Variants in CBLN2 observed in about 807,000 individuals in gnomAD.
CBLN2 encodes cerebellin 2 precursor.
Under a neutral mutation model 15.0 loss-of-function variants are expected in CBLN2, and 7 were observed. The observed-to-expected ratio is 0.47, with a 90% CI of 0.27 to 0.88. The LOEUF (loss-of-function observed/expected upper bound fraction) is 0.88. CBLN2 is among the 40% of genes least tolerant of loss of function. The probability of loss-of-function intolerance (pLI) is 0.14; values close to 1 mark genes in which losing one functional copy is unlikely to be tolerated. For synonymous variants in CBLN2, 149 were observed against 135.2 expected (o/e 1.10, Z -0.71); for missense variants, 242 against 304.5 (o/e 0.79, Z 1.53).
intron 1 of CBLN2, among the ~76,000 whole-genome samples, chr18:72,564,745 T>C (rs991760417): frequency 1.3e-5 from 2 of 152,118 alleles, no homozygotes; most frequent in Admixed American, 6.6e-5. Context: ...AATAAAATGA[T>C]AGCTAAAAAC....
intron 1 of CBLN2, among the ~76,000 whole-genome samples, chr18:72,588,840 C>A (rs1024726981): frequency 3.3e-5 from 5 of 152,158 alleles, no homozygotes; most frequent in African/African-American, 1.2e-4. Flanking sequence ...TGGAACAGCA[C>A]CATGTAGGGA....
chr18:72,637,043 A>G (rs1243545220), intron 1 of CBLN2, among the ~76,000 whole-genome samples: 1 of 113,284 alleles, frequency 8.8e-6, no homozygotes, highest in Non-Finnish European at 1.8e-5. Context: ...CAAAACTGCA[A>G]AAAAAAAAAA....
intron 1 of CBLN2, among the ~76,000 whole-genome samples, chr18:72,563,814 T>A (rs2069276881): frequency 1.3e-5 from 2 of 152,116 alleles, no homozygotes; most frequent in Admixed American, 1.3e-4. Flanking sequence ...AGGCTTGCAC[T>A]CTCTCAACAT....
intron 3 of CBLN2, among the ~76,000 whole-genome samples, chr18:72,541,099 A>C (rs1357448200): frequency 6.6e-6 from 1 of 152,280 alleles, no homozygotes; most frequent in East Asian, 1.9e-4. Context: ...ACCAAATGGC[A>C]TAAGTTAAGT....
At chr18:72,610,933 A>G (rs1301790325) in intron 1 of CBLN2, among the ~76,000 whole-genome samples, 1 of 152,048 alleles carries the variant, frequency 6.6e-6, no homozygotes. Context: ...TGTTATTATT[A>G]TCTTTATGTC....
intron 1 of CBLN2, among the ~76,000 whole-genome samples, chr18:72,558,527 G>T (rs1212261312): frequency 6.6e-6 from 1 of 152,088 alleles, no homozygotes; most frequent in Non-Finnish European, 1.5e-5. Context: ...ATCTCAAAAT[G>T]TGCAGTTGTT....
rs185302443 is a variant in CBLN2, at chr18:72,625,801, T to C, written c.15+12524A>G. On this transcript the variant is annotated intron_variant, in intron 1 of 2. Transcript: ENST00000581073. ...ATATATATATGACTCTCTCTCTCTC[T>C]CTCTCTCTCTCTCTCTCTATATATA... Among the ~76,000 whole-genome samples the C allele has an allele frequency of 2.3e-3, 118 of 52,226 alleles. 2 individuals carry two copies. The East Asian group carries it at 0.095, about 42-fold the overall frequency. 34.3% of individuals were successfully genotyped at this position (52,226 alleles called of 152,430 possible).
At chr18:72,541,734 C>A (rs2069113267) in intron 3 of CBLN2, 70 bp downstream of exon 3, 3 of 1,328,630 alleles carry the variant, frequency 2.3e-6, no homozygotes. Context: ...AGCCTGAACC[C>A]CAGCCCGCGC....
chr18:72,547,663 T>C (rs2069167045), upstream of CBLN2, among the ~76,000 whole-genome samples: 1 of 152,100 alleles, frequency 6.6e-6, no homozygotes, highest in South Asian at 2.1e-4. Flanking sequence ...ATAAATAATA[T>C]ATTTTTATCT....
At chr18:72,615,308 T>C (rs2069653889) in intron 1 of CBLN2, among the ~76,000 whole-genome samples, 1 of 143,574 alleles carries the variant, frequency 7.0e-6, no homozygotes, top group Non-Finnish European at 1.5e-5. Context: ...AGAGTTTTGC[T>C]CTTTGTTGCC....
intron 1 of CBLN2, among the ~76,000 whole-genome samples, chr18:72,564,034 A>T (rs994964905): frequency 6.6e-6 from 1 of 152,178 alleles, no homozygotes; most frequent in Non-Finnish European, 1.5e-5. Context: ...ACACTGTAAA[A>T]CGTACCTGCA....
At chr18:72,637,898 G>A (rs1312155938) in intron 1 of CBLN2, among the ~76,000 whole-genome samples, 3 of 152,208 alleles carry the variant, frequency 2.0e-5, no homozygotes, top group Admixed American at 2.0e-4. Flanking sequence ...TCACTGGCAG[G>A]CGCTGAAGAA....
chr18:72,615,567 G>T (rs1010620874), intron 1 of CBLN2, among the ~76,000 whole-genome samples: 1 of 151,960 alleles, frequency 6.6e-6, no homozygotes. Context: ...GTGAGCCACC[G>T]TGCCTGGCCC....
chr18:72,631,941 CTAAA>C (rs2069779823), intron 1 of CBLN2, among the ~76,000 whole-genome samples: 1 of 152,086 alleles, frequency 6.6e-6, no homozygotes, highest in Non-Finnish European at 1.5e-5. Flanking sequence ...TTTTGATGTA[CTAAA>C]ATATGCCTTT....
At chr18:72,613,418 G>A (rs2069636598) in intron 1 of CBLN2, among the ~76,000 whole-genome samples, 1 of 152,070 alleles carries the variant, frequency 6.6e-6, no homozygotes, top group African/African-American at 2.4e-5. Context: ...CCCAATATCT[G>A]GCACATAGCT....
intron 1 of CBLN2, among the ~76,000 whole-genome samples, chr18:72,625,760 GTA>G (rs1226274858): frequency 8.3e-6 from 1 of 120,008 alleles, no homozygotes; most frequent in Non-Finnish European, 1.7e-5. Flanking sequence ...ATGCTGAAGA[GTA>G]TATATATATG....
chr18:72,628,215 T>C (rs796675110), intron 1 of CBLN2, among the ~76,000 whole-genome samples: 1 of 152,238 alleles, frequency 6.6e-6, no homozygotes, highest in African/African-American at 2.4e-5. Context: ...ATCCCCTGTG[T>C]GTTCATTTTG....
chr18:72,610,903 C>T (rs976015337), intron 1 of CBLN2, among the ~76,000 whole-genome samples: 1 of 152,090 alleles, frequency 6.6e-6, no homozygotes. Flanking sequence ...TCCCTTCCAC[C>T]TCTAGTAATC....
chr18:72,547,550 T>A (rs2144877514), upstream of CBLN2, among the ~76,000 whole-genome samples: 1 of 152,256 alleles, frequency 6.6e-6, no homozygotes, highest in Admixed American at 6.5e-5. Context: ...TTTTATTTAT[T>A]TTTTTCTTTT....
Sources: allele counts gnomAD v4.1 joint callset (sites outside exome capture counted in the v4.1 genomes callset), GRCh38; gene constraint gnomAD v4.1.1; transcripts MANE v1.5; gene names NCBI Gene and HGNC (gene_info 2026-07-23, HGNC 2026-07-21).